The following CLEC16A variants were observed in gnomAD, a reference collection of about 807,000 sequenced individuals.
CLEC16A encodes protein CLEC16A.
Under a neutral mutation model 109.5 loss-of-function variants are expected in CLEC16A, and 51 were observed. The ratio of observed to expected loss-of-function variants is 0.47; its 90% confidence interval spans 0.37 to 0.59. The LOEUF (loss-of-function observed/expected upper bound fraction) is 0.59, where lower values mean the gene tolerates loss of function less well. Among genes scored for constraint, CLEC16A ranks in the 20% least tolerant of loss-of-function variants. The pLI is 0.00. For missense variants in CLEC16A, 1,339 were observed against 1,394.0 expected (o/e 0.96, Z 0.63); for synonymous variants, 673 against 564.2 (o/e 1.19, Z -2.73).
At chr16:10,981,531 A>G (rs1596866139) in intron 9 of CLEC16A, among the ~76,000 whole-genome samples, 2 of 152,218 alleles carry the variant, frequency 1.3e-5, no homozygotes, top group East Asian at 3.8e-4. Flanking sequence ...TGTTAGAATA[A>G]TATATTCCCC....
At chr16:11,006,058 T>C (rs1423715770) in intron 11 of CLEC16A, among the ~76,000 whole-genome samples, 2 of 152,146 alleles carry the variant, frequency 1.3e-5, no homozygotes, top group African/African-American at 4.8e-5. Context: ...GGGTGTTTAT[T>C]GTTCATGTTC....
intron 21 of CLEC16A, 22 bp downstream of exon 21, chr16:11,123,968 G>A: frequency 6.4e-7 from 1 of 1,574,238 alleles, no homozygotes; most frequent in Middle Eastern, 1.7e-4. Context: ...GACCCTGGCA[G>A]GGCATCCTCT....
rs78314431 is a variant in CLEC16A at position 10,949,856 on chromosome 16, T to C, written c.80+5059T>C. ...TAGCAGCTGCTGTCATCCAGGTGTA[T>C]CTCCTGTTGGTGGTCCACTCACACA... On this transcript the variant is annotated intron_variant, in intron 1 of 23. Transcript: ENST00000409790. Among the ~76,000 whole-genome samples the C allele has an allele frequency of 5.4e-4, 82 of 152,184 alleles. 1 individual carries two copies. Among genetic ancestry groups the C allele is most frequent in the Middle Eastern group, 3.4e-3 (1 of 294 alleles).
chr16:10,950,035 C>T (rs1257956957), intron 1 of CLEC16A, among the ~76,000 whole-genome samples: 1 of 152,222 alleles, frequency 6.6e-6, no homozygotes, highest in African/African-American at 2.4e-5. Flanking sequence ...TTCTTCTGTG[C>T]CTGTTCACAC....
intron 22 of CLEC16A, among the ~76,000 whole-genome samples, chr16:11,161,533 C>T (rs1262077657): frequency 1.3e-5 from 2 of 152,206 alleles, no homozygotes; most frequent in African/African-American, 4.8e-5. Flanking sequence ...CATCCCCACT[C>T]CTATGCACAC....
At chr16:11,019,351 C>CA (rs2045956439) in intron 11 of CLEC16A, among the ~76,000 whole-genome samples, 1 of 152,186 alleles carries the variant, frequency 6.6e-6, no homozygotes, top group African/African-American at 2.4e-5. Flanking sequence ...CTGATTGCTA[C>CA]AGGTTACCCT....
chr16:10,968,700 G>C (rs1197299485), intron 3 of CLEC16A, among the ~76,000 whole-genome samples: 1 of 152,160 alleles, frequency 6.6e-6, no homozygotes, highest in African/African-American at 2.4e-5. Context: ...AGCAGGAAGG[G>C]ACCTTTATGC....
At chr16:11,049,169 A>G (rs1043429089) in intron 17 of CLEC16A, among the ~76,000 whole-genome samples, 1 of 151,874 alleles carries the variant, frequency 6.6e-6, no homozygotes, top group African/African-American at 2.4e-5. Flanking sequence ...TACTACGCCC[A>G]GCTAATTTTT....
rs948075055 is a variant in CLEC16A, at chr16:11,174,515, C to A, written c.2807-3820C>A. 1.3e-5 allele frequency among the ~76,000 whole-genome samples: 2 copies of A among 152,234 alleles called. No individual in the cohort carries two copies. The highest frequency in any genetic ancestry group is 2.9e-5 in the Non-Finnish European group (2 of 68,050). On this transcript the variant is annotated intron_variant, in intron 23 of 23. Transcript: ENST00000409790. This position sits in a 1 kb window ranked among gnomAD's most constrained non-coding sequence, Gnocchi z 4.7. ...GACCTTCGCGACAGTCCTTCACCTT[C>A]GCGACAGTCCTTCTGAGCCAGACCT... is the stretch of plus-strand genomic sequence containing the variant.
chr16:11,121,373 T>G (rs2052397955), intron 20 of CLEC16A, among the ~76,000 whole-genome samples: 2 of 152,190 alleles, frequency 1.3e-5, no homozygotes, highest in African/African-American at 4.8e-5. Flanking sequence ...TTGGGCAAGG[T>G]TTCCCTAGGC....
At chr16:11,106,327 C>T (rs2051216941) in intron 19 of CLEC16A, among the ~76,000 whole-genome samples, 1 of 152,128 alleles carries the variant, frequency 6.6e-6, no homozygotes, top group Middle Eastern at 3.2e-3. Flanking sequence ...GAGTCTCTCT[C>T]ACCCAGGCTG....
chr16:10,972,991 T>C lies in CLEC16A; in HGVS notation c.658T>C (p.Phe220Leu), dbSNP rs756837528. Reference sequence around the variant, plus strand: ...CCGAGATAAAACTGCTGTTCCTTACTTCTCCAATTTGGTCTGGTTCATTGG... The same window carrying C: ...CCGAGATAAAACTGCTGTTCCTTACCTCTCCAATTTGGTCTGGTTCATTGG... ...YIRDKTAVPY[F>L]SNLVWFIGSH... The change falls in exon 7 of 24, where the codon TTC (phenylalanine) becomes CTC (leucine). Residue 220 changes from phenylalanine to leucine, a missense_variant. By Grantham distance (22) the Phe-to-Leu change is conservative. This residue lies in a region of CLEC16A where 161 missense variants were observed against 267.1 expected (regional missense o/e 0.60). Transcript: ENST00000409790. 1.2e-6 allele frequency: 2 copies of C among 1,612,392 alleles called. No individual in the cohort carries two copies. Among genetic ancestry groups the C allele is most frequent in the Admixed American group, 3.3e-5 (2 of 59,794 alleles).
intron 19 of CLEC16A, among the ~76,000 whole-genome samples, chr16:11,105,664 TC>T (rs1426991104): frequency 6.6e-6 from 1 of 152,032 alleles, no homozygotes; most frequent in African/African-American, 2.4e-5. Context: ...AGCTAGCACT[TC>T]CCCCAGCCTG....
chr16:11,154,639 C>A (rs2054434571), intron 22 of CLEC16A, among the ~76,000 whole-genome samples: 1 of 152,150 alleles, frequency 6.6e-6, no homozygotes, highest in African/African-American at 2.4e-5. Context: ...AAATGAAAGT[C>A]CCAGGACAGG....
At chr16:11,148,118 G>A (rs2054143126) in intron 22 of CLEC16A, among the ~76,000 whole-genome samples, 1 of 152,178 alleles carries the variant, frequency 6.6e-6, no homozygotes, top group Non-Finnish European at 1.5e-5. Flanking sequence ...TGATTTCTGG[G>A]AAAGAAAGAA....
At chr16:11,070,788 C>T (rs957925286) in intron 19 of CLEC16A, 1 of 152,272 alleles carries the variant, frequency 6.6e-6, no homozygotes, top group African/African-American at 2.4e-5. Flanking sequence ...AGTCTTTGCT[C>T]TGACTGTGCC....
chr16:11,128,810 G>T (rs2053003310), intron 22 of CLEC16A, among the ~76,000 whole-genome samples: 1 of 151,734 alleles, frequency 6.6e-6, no homozygotes. Flanking sequence ...AGCCTGCTTG[G>T]CCTCCAGAAA....
chr16:11,130,798 T>G (rs902809480), intron 22 of CLEC16A, among the ~76,000 whole-genome samples: 89 of 152,332 alleles, frequency 5.8e-4, no homozygotes, highest in African/African-American at 2.0e-3. Context: ...GGCTGCTGCC[T>G]CGGGGTGGCT....
Position 11,042,283 on chromosome 16 carries a change from C to G in CLEC16A, c.1690C>G (p.Leu564Val), listed in dbSNP as rs1209415053. 1.3e-6 allele frequency: 2 copies of G among 1,588,052 alleles called. No homozygotes were observed. The highest frequency in any genetic ancestry group is 3.5e-5 in the Admixed American group (2 of 56,398). Residue 564 changes from leucine (L) to valine (V), a missense_variant, in exon 15 of 24, where the codon CTG (leucine) becomes GTG (valine). Physicochemically the swap from Leu to Val is conservative, Grantham distance 32. This residue lies in a region of CLEC16A where 1,061 missense variants were observed against 1,006.8 expected (regional missense o/e 1.05). Transcript: ENST00000409790. ...DGKIRLATLE[L>V]SCLLLKQQVL... ...GAAGATCCGGCTGGCGACGCTGGAGCTGAGCTGCCTGCTTCTGAAGCAGCA... is the reference window on the plus strand; with the variant it reads ...GAAGATCCGGCTGGCGACGCTGGAGGTGAGCTGCCTGCTTCTGAAGCAGCA...
Sources: allele counts gnomAD v4.1 joint callset (sites outside exome capture counted in the v4.1 genomes callset), GRCh38; gene constraint gnomAD v4.1.1; regional missense constraint gnomAD v4.1.1; non-coding constraint Gnocchi (gnomAD v3.1); transcripts MANE v1.5; gene names NCBI Gene and HGNC (gene_info 2026-07-23, HGNC 2026-07-21).